The following FARS2 variants were observed in gnomAD, a reference collection of about 807,000 sequenced individuals.
FARS2 encodes phenylalanine--tRNA ligase, mitochondrial.
In FARS2, 40 loss-of-function variants were observed where a neutral mutation model predicts 46.4. The ratio of observed to expected loss-of-function variants is 0.86; its 90% CI spans 0.67 to 1.12. The LOEUF (loss-of-function observed/expected upper bound fraction) is 1.12, where lower values mean the gene tolerates loss of function less well. FARS2 is among the 50% of genes most tolerant of loss of function. FARS2 has a pLI of 0.00. For missense variants in FARS2, 513 were observed against 567.9 expected (o/e 0.90, Z 0.98); for synonymous variants, 234 against 214.9 (o/e 1.09, Z -0.78).
At chr6:5,420,411 G>C (rs540873683) in intron 3 of FARS2, among the ~76,000 whole-genome samples, 5 of 152,288 alleles carry the variant, frequency 3.3e-5, no homozygotes, top group African/African-American at 1.2e-4. Flanking sequence ...ATCTGAGACA[G>C]GGCAAGTCAT....
intron 4 of FARS2, among the ~76,000 whole-genome samples, chr6:5,530,947 A>G (rs80321699): frequency 6.7e-6 from 1 of 149,140 alleles, no homozygotes. Context: ...TAATTTATAC[A>G]TAGATTATAA....
At chr6:5,570,801 G>GA (rs1772598083) in intron 5 of FARS2, among the ~76,000 whole-genome samples, 1 of 152,040 alleles carries the variant, frequency 6.6e-6, no homozygotes, top group African/African-American at 2.4e-5. Context: ...TGGAAACGGG[G>GA]GTAATCTGCA....
chr6:5,701,774 A>G (rs1758450291), intron 6 of FARS2, among the ~76,000 whole-genome samples: 1 of 152,246 alleles, frequency 6.6e-6, no homozygotes, highest in Non-Finnish European at 1.5e-5. Flanking sequence ...GTAAATAAAA[A>G]GGCTAATTGG....
intron 4 of FARS2, among the ~76,000 whole-genome samples, chr6:5,501,196 G>A (rs1365324551): frequency 2.0e-5 from 3 of 152,006 alleles, no homozygotes; most frequent in Non-Finnish European, 1.5e-5. Context: ...AGTAGTATCG[G>A]TATACCTCAG....
At chr6:5,543,197 G>T (rs1404566426) in intron 4 of FARS2, among the ~76,000 whole-genome samples, 1 of 152,164 alleles carries the variant, frequency 6.6e-6, no homozygotes, top group Non-Finnish European at 1.5e-5. Context: ...GTTCCCATTT[G>T]TCTTGATGAT....
Position 5,672,809 on chromosome 6 carries a change from G to C in FARS2, c.1217+59489G>C, listed in dbSNP as rs569890373. 9.9e-5 allele frequency among the ~76,000 whole-genome samples: 15 copies of C among 152,268 alleles called. No individual in the cohort carries two copies. The East Asian group carries it at 2.9e-3, about 29-fold the overall frequency. On this transcript the variant is annotated intron_variant, in intron 6 of 6. Coordinates refer to ENST00000274680, the MANE Select transcript of FARS2 (RefSeq NM_006567.5). ...TAAGTTTGGTTGCCACTGACAACATGTGTTCCTCTCTGTTCTTTCCCTGGA... is the reference window on the plus strand; with the variant it reads ...TAAGTTTGGTTGCCACTGACAACATCTGTTCCTCTCTGTTCTTTCCCTGGA...
chr6:5,546,255 CT>C (rs70975919), intron 5 of FARS2, among the ~76,000 whole-genome samples: 82,226 of 122,028 alleles, frequency 0.67, 27,742 homozygotes, highest in Middle Eastern at 0.76. Context: ...CAATTTTGTA[CT>C]TTTTTTTTTT....
chr6:5,263,929 C>A (rs989650841), intron 1 of FARS2, among the ~76,000 whole-genome samples: 7 of 152,086 alleles, frequency 4.6e-5, no homozygotes, highest in African/African-American at 1.7e-4. Flanking sequence ...AGAAATTGTT[C>A]AGCTGGGCAT....
At chr6:5,652,607 C>T (rs1265377104) in intron 6 of FARS2, among the ~76,000 whole-genome samples, 1 of 152,374 alleles carries the variant, frequency 6.6e-6, no homozygotes, top group South Asian at 2.1e-4. Flanking sequence ...TTCAGGCCTT[C>T]ATTTCTCGCT....
At chr6:5,680,257 C>T (rs993856803) in intron 6 of FARS2, among the ~76,000 whole-genome samples, 1 of 152,180 alleles carries the variant, frequency 6.6e-6, no homozygotes, top group Non-Finnish European at 1.5e-5. Flanking sequence ...CCAACCAACA[C>T]TGAGACACAT....
At chr6:5,300,259 C>T (rs1269309521) in intron 1 of FARS2, among the ~76,000 whole-genome samples, 3 of 152,136 alleles carry the variant, frequency 2.0e-5, no homozygotes, top group Non-Finnish European at 4.4e-5. Context: ...ATAGGTAGAA[C>T]AGAGACATAT....
intron 1 of FARS2, among the ~76,000 whole-genome samples, chr6:5,327,740 G>T (rs1305854127): frequency 6.6e-6 from 1 of 152,116 alleles, no homozygotes; most frequent in Non-Finnish European, 1.5e-5. Flanking sequence ...GGTTTACAGT[G>T]TACCACTGGA....
At chr6:5,407,091 A>G (rs193291666) in intron 3 of FARS2, among the ~76,000 whole-genome samples, 12 of 142,636 alleles carry the variant, frequency 8.4e-5, no homozygotes, top group Non-Finnish European at 1.5e-5. Context: ...ATATGAAAAG[A>G]TGCTTGTCTT....
intron 4 of FARS2, among the ~76,000 whole-genome samples, chr6:5,447,867 A>G (rs565692665): frequency 4.5e-4 from 68 of 152,374 alleles, no homozygotes; most frequent in African/African-American, 1.6e-3. Context: ...AAATAGCCCC[A>G]TAAGCAGATA....
intron 4 of FARS2, among the ~76,000 whole-genome samples, chr6:5,522,084 C>T (rs1478124653): frequency 6.6e-6 from 1 of 152,218 alleles, no homozygotes; most frequent in Non-Finnish European, 1.5e-5. Context: ...TCTGTGCTAA[C>T]AGATAAACCC....
chr6:5,328,341 C>T (rs1293438306), intron 1 of FARS2, among the ~76,000 whole-genome samples: 2 of 152,126 alleles, frequency 1.3e-5, no homozygotes, highest in Admixed American at 6.6e-5. Flanking sequence ...TATAATTTTA[C>T]GGTTATGCTC....
chr6:5,384,186 T>C (rs1863099), intron 2 of FARS2, among the ~76,000 whole-genome samples: 35,585 of 152,160 alleles, frequency 0.23, 5,290 homozygotes, highest in East Asian at 0.42. Context: ...CTTTGACGGA[T>C]TGAAATTTCT....
intron 5 of FARS2, among the ~76,000 whole-genome samples, chr6:5,612,488 TTG>T (rs1039282860): frequency 6.2e-4 from 93 of 149,674 alleles, no homozygotes; most frequent in Admixed American, 2.2e-3. Context: ...ATATATATAT[TTG>T]TGTGTGTGTG....
chr6:5,276,377 T>C (rs1411794122), intron 1 of FARS2, among the ~76,000 whole-genome samples: 1 of 152,176 alleles, frequency 6.6e-6, no homozygotes, highest in African/African-American at 2.4e-5. Context: ...ATTTAGATAA[T>C]CACATAATTT....
Sources: gnomAD v4.1 joint callset for allele counts (sites outside exome capture counted in the v4.1 genomes callset) on GRCh38, gnomAD v4.1.1 for gene constraint, MANE v1.5 for transcripts, NCBI Gene and HGNC (gene_info 2026-07-23, HGNC 2026-07-21) for gene names.